The following ROBO2 variants were observed in gnomAD, a reference collection of about 807,000 sequenced individuals.
The protein encoded by ROBO2 is roundabout guidance receptor 2, also known as roundabout homolog 2.
ROBO2 carries 53 observed loss-of-function variants against 160.8 expected under a neutral mutation model. The observed-to-expected ratio is 0.33, with a 90% confidence interval of 0.26 to 0.41. ROBO2 has a LOEUF of 0.41. Ranked by LOEUF, ROBO2 falls within the 10% of genes least tolerant of loss-of-function variation. The probability of loss-of-function intolerance (pLI) is 1.00; values close to 1 mark genes in which losing one functional copy is unlikely to be tolerated. For missense variants in ROBO2, 1,577 were observed against 1,722.4 expected (o/e 0.92, Z 1.49); for synonymous variants, 664 against 611.7 (o/e 1.09, Z -1.26).
chr3:77,430,464 T>G (rs1405747270), intron 2 of ROBO2, among the ~76,000 whole-genome samples: 2 of 152,044 alleles, frequency 1.3e-5, no homozygotes, highest in East Asian at 1.9e-4. Context: ...ATTAAAAATT[T>G]TATTGATAGG....
chr3:76,727,379 G>A (rs2093568702), intron 2 of ROBO2, among the ~76,000 whole-genome samples: 1 of 152,128 alleles, frequency 6.6e-6, no homozygotes, highest in African/African-American at 2.4e-5. Flanking sequence ...TTCCTGATTT[G>A]TAGCCCTACT....
chr3:76,997,695 G>A (rs1307199558), intron 2 of ROBO2, among the ~76,000 whole-genome samples: 2 of 152,172 alleles, frequency 1.3e-5, no homozygotes, highest in East Asian at 1.9e-4. Flanking sequence ...TGATGTCTCA[G>A]TTTTACATAA....
chr3:77,636,659 A>T (rs866493740), intron 24 of ROBO2, among the ~76,000 whole-genome samples: 1 of 152,124 alleles, frequency 6.6e-6, no homozygotes, highest in South Asian at 2.1e-4. Context: ...TTCCAATAAA[A>T]CATCATTCAC....
At chr3:76,577,704 T>G (rs2085395026) in intron 2 of ROBO2, among the ~76,000 whole-genome samples, 1 of 152,164 alleles carries the variant, frequency 6.6e-6, no homozygotes, top group Non-Finnish European at 1.5e-5. Context: ...TTTCGATTTC[T>G]GCAGTATTTG....
In ROBO2 at chr3:77,640,204, CG is replaced by C. The variant is rs1420766027; in HGVS notation, c.3935-4497del. Among the ~76,000 whole-genome samples the C allele has an allele frequency of 2.9e-5, 4 of 140,026 alleles. No individual in the cohort carries two copies. In the Admixed American group the frequency reaches 3.2e-4, roughly 11 times the overall value. The allele number at this position is 140,026 out of a possible 152,430, so 91.9% of individuals were successfully genotyped here. On this transcript the variant is annotated intron_variant, in intron 24 of 25. Transcript: ENST00000461745. ...TCGGCTCACTGCAAGATCCGCCTCC[CG>C]GGTTCACGCCATTCTCCTGCCTCAG...
At chr3:76,744,877 C>G (rs1280115181) in intron 2 of ROBO2, among the ~76,000 whole-genome samples, 1 of 152,138 alleles carries the variant, frequency 6.6e-6, no homozygotes, top group African/African-American at 2.4e-5. Flanking sequence ...TGTGTACGTT[C>G]ACTCTGTCCT....
At chr3:76,385,327 A>C (rs1017855607) in intron 2 of ROBO2, among the ~76,000 whole-genome samples, 1 of 152,280 alleles carries the variant, frequency 6.6e-6, no homozygotes, top group East Asian at 1.9e-4. Context: ...ACTAGTTTCA[A>C]ATATTTAAAA....
intron 2 of ROBO2, among the ~76,000 whole-genome samples, chr3:76,258,379 T>G (rs998288077): frequency 6.6e-6 from 1 of 152,030 alleles, no homozygotes; most frequent in Non-Finnish European, 1.5e-5. Context: ...TAAAGAAATT[T>G]CAGTTTCAGA....
intron 1 of ROBO2, among the ~76,000 whole-genome samples, chr3:77,045,046 G>A (rs2064503200): frequency 6.6e-6 from 1 of 152,074 alleles, no homozygotes; most frequent in South Asian, 2.1e-4. Context: ...AACACCCAAT[G>A]TTGGGGGAGG....
intron 1 of ROBO2, among the ~76,000 whole-genome samples, chr3:77,080,085 C>T (rs1391880731): frequency 6.6e-6 from 1 of 152,124 alleles, no homozygotes; most frequent in East Asian, 1.9e-4. Flanking sequence ...TACTTTCTTC[C>T]TGTATTTTTC....
chr3:76,652,618 A>G lies in ROBO2; in HGVS notation c.110-445396A>G, dbSNP rs555156763. Among the ~76,000 whole-genome samples the G allele has an allele frequency of 3.3e-5, 5 of 152,314 alleles. No individual in the cohort carries two copies. The South Asian group carries it at 8.3e-4, about 25-fold the overall frequency. On this transcript the variant is annotated intron_variant, in intron 2 of 26. Coordinates refer to the ROBO2 transcript ENST00000487694. Reference sequence around the variant, plus strand: ...TTAAGATATATATGACTAAATTTATATCTTTAAGTCTTTATACTTCATGAC... The same window carrying G: ...TTAAGATATATATGACTAAATTTATGTCTTTAAGTCTTTATACTTCATGAC...
intron 2 of ROBO2, among the ~76,000 whole-genome samples, chr3:76,549,052 A>G: frequency 6.6e-6 from 1 of 152,164 alleles, no homozygotes; most frequent in East Asian, 1.9e-4. Context: ...TCCCTGAAAA[A>G]GTTTTAAGAT....
chr3:76,239,249 G>T (rs1470528703), intron 2 of ROBO2, among the ~76,000 whole-genome samples: 2 of 151,978 alleles, frequency 1.3e-5, no homozygotes, highest in Admixed American at 1.3e-4. Context: ...CAGCCACAAT[G>T]TCCTAATTCC....
chr3:76,215,210 G>GA (rs1559648756), intron 2 of ROBO2, among the ~76,000 whole-genome samples: 1 of 152,030 alleles, frequency 6.6e-6, no homozygotes, highest in Non-Finnish European at 1.5e-5. Context: ...CAAAGATGGG[G>GA]AAAAAACAGA....
intron 2 of ROBO2, among the ~76,000 whole-genome samples, chr3:76,290,744 T>G (rs1223345669): frequency 6.6e-6 from 1 of 152,150 alleles, no homozygotes; most frequent in African/African-American, 2.4e-5. Flanking sequence ...ATGCTGAATT[T>G]TATTGAAAGA....
intron 2 of ROBO2, among the ~76,000 whole-genome samples, chr3:76,387,039 T>C (rs1280575421): frequency 6.6e-6 from 1 of 152,158 alleles, no homozygotes; most frequent in Non-Finnish European, 1.5e-5. Flanking sequence ...TTCTAGAGGC[T>C]GGGAAGTCCA....
chr3:77,494,562 A>G (rs1258878209), intron 5 of ROBO2, among the ~76,000 whole-genome samples: 1 of 152,150 alleles, frequency 6.6e-6, no homozygotes, highest in Non-Finnish European at 1.5e-5. Flanking sequence ...TGGGCGACAG[A>G]GTGAGACTGT....
At chr3:77,013,835 G>A (rs916204228) in intron 2 of ROBO2, among the ~76,000 whole-genome samples, 4 of 152,136 alleles carry the variant, frequency 2.6e-5, no homozygotes, top group Non-Finnish European at 4.4e-5. Context: ...ATCAGTTAAC[G>A]TGCATTTAGT....
At chr3:76,728,822 G>C (rs942920369) in intron 2 of ROBO2, among the ~76,000 whole-genome samples, 1 of 152,148 alleles carries the variant, frequency 6.6e-6, no homozygotes, top group Non-Finnish European at 1.5e-5. Flanking sequence ...GTGCCAGAGG[G>C]CATCTTGATA....
Sources: gnomAD v4.1 joint callset for allele counts (sites outside exome capture counted in the v4.1 genomes callset) on GRCh38, gnomAD v4.1.1 for gene constraint, MANE v1.5 for transcripts, NCBI Gene and HGNC (gene_info 2026-07-23, HGNC 2026-07-21) for gene names.